Variants in GRIK4 observed in about 807,000 individuals in gnomAD.
GRIK4 encodes glutamate receptor ionotropic, kainate 4.
A neutral mutation model predicts 104.9 loss-of-function variants in GRIK4; 40 were observed. That is an observed-to-expected ratio of 0.38 (90% confidence interval 0.30 to 0.50). The LOEUF (loss-of-function observed/expected upper bound fraction) is 0.50, where lower values mean the gene tolerates loss of function less well. Among genes scored for constraint, GRIK4 ranks in the 20% least tolerant of loss-of-function variants. The probability of loss-of-function intolerance (pLI) is 0.93; values close to 1 mark genes in which losing one functional copy is unlikely to be tolerated. For missense variants in GRIK4, 1,047 were observed against 1,308.1 expected (o/e 0.80, Z 3.08); for synonymous variants, 485 against 524.9 (o/e 0.92, Z 1.04).
At chr11:120,678,889 T>C (rs1327315299) in intron 3 of GRIK4, among the ~76,000 whole-genome samples, 1 of 151,632 alleles carries the variant, frequency 6.6e-6, no homozygotes, top group Non-Finnish European at 1.5e-5. Flanking sequence ...TGCCTCGGCC[T>C]CCCAAAGTGC....
rs550639614 is a variant in GRIK4, at chr11:120,919,532, G to C, written c.1476+14039G>C. ...CTAGACCTACTTAACCTGAAACTCT[G>C]GGGTGGGACTCAACAATTTGCAACT... On this transcript the variant is annotated intron_variant, in intron 13 of 20. Transcript: ENST00000527524. Among the ~76,000 whole-genome samples the C allele has an allele frequency of 2.5e-3, 379 of 152,266 alleles. 2 individuals are homozygous for C. Among genetic ancestry groups the C allele is most frequent in the African/African-American group, 8.4e-3 (348 of 41,540 alleles).
rs192133527 is a variant in GRIK4 at position 120,805,848 on chromosome 11, G to A, written c.247+2991G>A. Among the ~76,000 whole-genome samples the A allele has an allele frequency of 2.4e-4, 36 of 152,292 alleles. No homozygotes were observed. The East Asian group carries it at 6.6e-3, about 28-fold the overall frequency. On this transcript the variant is annotated intron_variant, in intron 4 of 20. Coordinates refer to ENST00000527524, the MANE Select transcript of GRIK4 (RefSeq NM_014619.5). Reference sequence around the variant, plus strand: ...ATTTGGGGAAGGAAGGGAGGAGGGGGACAGGATCTCTGGGTGGAGGAGAGC... The same window carrying A: ...ATTTGGGGAAGGAAGGGAGGAGGGGAACAGGATCTCTGGGTGGAGGAGAGC...
intron 1 of GRIK4, among the ~76,000 whole-genome samples, chr11:120,563,193 C>T (rs921921782): frequency 1.3e-5 from 2 of 152,204 alleles, no homozygotes; most frequent in African/African-American, 2.4e-5. Context: ...TAGTATCAGC[C>T]TCTTTGTCCA....
At chr11:120,782,354 C>G (rs576361419) in intron 3 of GRIK4, among the ~76,000 whole-genome samples, 1 of 149,614 alleles carries the variant, frequency 6.7e-6, no homozygotes, top group Non-Finnish European at 1.5e-5. Flanking sequence ...GGCTCAGTCT[C>G]GGCTCACTGC....
rs140721889 is a variant in GRIK4 at position 120,836,897 on chromosome 11, G to A, written c.744+53G>A. 623 of 1,139,370 alleles carry A rather than the reference G, an allele frequency of 5.5e-4. 1 individual carries two copies. The African/African-American group carries it at 8.6e-3, about 16-fold the overall frequency. The allele number at this position is 1,139,370 out of a possible 1,614,324, so 70.6% of individuals were successfully genotyped here. On this transcript the variant is annotated intron_variant, in intron 8 of 20. Coordinates refer to ENST00000527524, the MANE Select transcript of GRIK4 (RefSeq NM_014619.5). ...TGGAAGAGAGTGTTGTCAGTGGTCA[G>A]GATTGATGGATTATAAGGGAAAAAG... is the stretch of plus-strand genomic sequence containing the variant.
In GRIK4 at chr11:120,655,465, G is replaced by A. The variant is rs11217939; in HGVS notation, c.-51+1673G>A. ...GTTTATCCATTAGATTGAGGGGATT[G>A]CCCTGATCTCCTGTGCAATGGAGAG... On this transcript the variant is annotated intron_variant, in intron 2 of 20. Coordinates refer to ENST00000527524, the MANE Select transcript of GRIK4 (RefSeq NM_014619.5). Among the ~76,000 whole-genome samples the A allele has an allele frequency of 3.2e-3, 494 of 152,248 alleles. 18 individuals carry two copies. In the East Asian group the frequency reaches 0.067, roughly 21 times the overall value.
At chr11:120,709,013 G>A (rs1283789968) in intron 3 of GRIK4, among the ~76,000 whole-genome samples, 1 of 152,156 alleles carries the variant, frequency 6.6e-6, no homozygotes, top group East Asian at 1.9e-4. Context: ...GGGACAAACT[G>A]TATGGATGTG....
chr11:120,867,839 T>C (rs1043170050), intron 9 of GRIK4: 4 of 152,084 alleles, frequency 2.6e-5, no homozygotes, highest in African/African-American at 9.7e-5. Flanking sequence ...CACACGCCGT[T>C]CCCATTAATC....
chr11:120,817,145 C>T (rs572888087), intron 5 of GRIK4, among the ~76,000 whole-genome samples: 2 of 152,296 alleles, frequency 1.3e-5, no homozygotes, highest in South Asian at 4.1e-4. Flanking sequence ...CCTCCTCTCT[C>T]CCTTCTCCCC....
At chr11:120,600,340 C>G (rs1271196020) in intron 1 of GRIK4, among the ~76,000 whole-genome samples, 5 of 152,186 alleles carry the variant, frequency 3.3e-5, no homozygotes, top group East Asian at 3.9e-4. Flanking sequence ...GTTTTTCCCC[C>G]CTCTGTCTTA....
At chr11:120,637,350 TG>T (rs1420878932) in intron 1 of GRIK4, among the ~76,000 whole-genome samples, 1 of 151,656 alleles carries the variant, frequency 6.6e-6, no homozygotes, top group Non-Finnish European at 1.5e-5. Flanking sequence ...GGGACAGGCT[TG>T]TTTTTTTTCC....
chr11:120,615,985 A>T (rs957710817), intron 1 of GRIK4, among the ~76,000 whole-genome samples: 1 of 152,050 alleles, frequency 6.6e-6, no homozygotes, highest in Non-Finnish European at 1.5e-5. Flanking sequence ...GCAGAGGGTT[A>T]CCAGCTGATT....
chr11:120,898,778 A>C (rs558029923), intron 12 of GRIK4, 139 bp downstream of exon 12: 2 of 624,022 alleles, frequency 3.2e-6, no homozygotes, highest in Admixed American at 5.3e-5. Context: ...GCGTAATTAC[A>C]CTCAAGTTGC....
chr11:120,537,569 CAT>C (rs2099603893), intron 1 of GRIK4, among the ~76,000 whole-genome samples: 1 of 152,166 alleles, frequency 6.6e-6, no homozygotes, highest in Non-Finnish European at 1.5e-5. Context: ...AGCAAACACA[CAT>C]GTCTCCTGGA....
intron 8 of GRIK4, among the ~76,000 whole-genome samples, chr11:120,854,514 C>G (rs1831541382): frequency 6.6e-6 from 1 of 152,224 alleles, no homozygotes; most frequent in African/African-American, 2.4e-5. Flanking sequence ...TGTTAAGGTT[C>G]TTGGACTACC....
chr11:120,817,489 C>T (rs1226614852), intron 5 of GRIK4, among the ~76,000 whole-genome samples: 1 of 152,124 alleles, frequency 6.6e-6, no homozygotes, highest in East Asian at 1.9e-4. Flanking sequence ...TTCTCCCCTG[C>T]TCCAGGGAAA....
intron 11 of GRIK4, among the ~76,000 whole-genome samples, chr11:120,888,329 G>T (rs1955179026): frequency 6.6e-6 from 1 of 151,970 alleles, no homozygotes; most frequent in South Asian, 2.1e-4. Context: ...GGAGCTTTGG[G>T]CAAGAAACCC....
intron 3 of GRIK4, among the ~76,000 whole-genome samples, chr11:120,729,965 T>C (rs555986226): frequency 6.6e-6 from 1 of 152,310 alleles, no homozygotes; most frequent in East Asian, 1.9e-4. Context: ...TGGGTCTACT[T>C]TCATTCTTTT....
At chr11:120,609,464 C>T (rs1949004300) in intron 1 of GRIK4, among the ~76,000 whole-genome samples, 1 of 150,062 alleles carries the variant, frequency 6.7e-6, no homozygotes, top group Non-Finnish European at 1.5e-5. Context: ...GTAGCTTTCC[C>T]TACCTTTGTT....
Sources: gnomAD v4.1 joint callset for allele counts (sites outside exome capture counted in the v4.1 genomes callset) on GRCh38, gnomAD v4.1.1 for gene constraint, MANE v1.5 for transcripts, NCBI Gene and HGNC (gene_info 2026-07-23, HGNC 2026-07-21) for gene names.